The following MXRA5 variants were observed in gnomAD, a reference collection of about 807,000 sequenced individuals.
MXRA5 encodes the protein matrix-remodeling-associated protein 5.
In MXRA5, 41 loss-of-function variants were observed where a neutral mutation model predicts 112.5. That is an observed-to-expected ratio of 0.36 (90% CI 0.28 to 0.47). MXRA5 has a LOEUF of 0.47. Ranked by LOEUF, MXRA5 falls within the 20% of genes least tolerant of loss-of-function variation. The pLI, the probability that MXRA5 is intolerant of heterozygous loss-of-function variation, is 0.99. For missense variants in MXRA5, 2,150 were observed against 2,251.0 expected, an observed-to-expected ratio of 0.96 and a Z score of 0.91; for synonymous variants, 862 against 900.8, an observed-to-expected ratio of 0.96 and a Z score of 0.77.
In MXRA5 at chrX:3,309,669, C is replaced by T. The variant is rs1408472701; in HGVS notation, c.*47G>A. 5 of 1,120,066 alleles carry T rather than the reference C, an allele frequency of 4.5e-6. No individual in the cohort carries two copies. The highest frequency in any genetic ancestry group is 6.0e-6 in the Non-Finnish European group (5 of 828,668). 92.3% of individuals were successfully genotyped at this position (1,120,066 alleles called of 1,213,427 possible). On this transcript the variant is annotated 3_prime_UTR_variant, in exon 7 of 7. Coordinates refer to ENST00000217939, the MANE Select transcript of MXRA5 (RefSeq NM_015419.4). ...TCCCCAACCTGGCTTCCCTTACAAA[C>T]CCCGCTTTGTTGTCAGTTCCTAAGC...
chrX:3,318,062 A>G, intron 5 of MXRA5, 59 bp from the exon 6 acceptor site: 1 of 960,074 alleles, frequency 1.0e-6, no homozygotes, highest in Non-Finnish European at 1.4e-6. Flanking sequence ...ATAATGCTCA[A>G]ACGAGCAGTA....
chrX:3,333,334 TAAGA>T (rs1336460371), intron 2 of MXRA5, among the ~76,000 whole-genome samples: 1 of 39,403 alleles, frequency 2.5e-5, no homozygotes, highest in African/African-American at 9.1e-5. Flanking sequence ...AAAAAAAAAG[TAAGA>T]AAGAAAGAAA....
chrX:3,335,449 G>A (rs1397706731), intron 2 of MXRA5, among the ~76,000 whole-genome samples: 3 of 112,323 alleles, frequency 2.7e-5, no homozygotes, highest in East Asian at 5.6e-4. Flanking sequence ...TGCCCGCCTC[G>A]GCCTCCCAAA....
At position 3,343,703 on chromosome X, in the gene MXRA5, C is replaced by T. The variant is rs756807415; in HGVS notation, c.131G>A (p.Arg44Gln). 2 of 1,211,729 alleles carry T rather than the reference C, an allele frequency of 1.7e-6. No homozygotes were observed. The highest frequency in any genetic ancestry group is 2.2e-6 in the Non-Finnish European group (2 of 895,461). The change falls in exon 2 of 7, where the codon CGA (arginine) becomes CAA (glutamine). Residue 44 changes from arginine to glutamine, a missense_variant. Arg to Gln is a conservative substitution (Grantham distance 43, BLOSUM62 1). Transcript: ENST00000217939. ...GCCAGCGGGCACGGAAGCCAGGGAT[C>T]GGAACGTGCAGTGGACCTCGCTGGG... ...YVPSEVHCTF[R>Q]SLASVPAGIA...
chrX:3,310,762 G>A lies in MXRA5; in HGVS notation c.7441C>T (p.Pro2481Ser). The change falls in exon 7 of 7, where the codon CCC becomes TCC. Residue 2481 changes from proline (P) to serine (S), a missense_variant. Pro to Ser is a moderately conservative substitution (Grantham distance 74). Coordinates refer to ENST00000217939, the MANE Select transcript of MXRA5 (RefSeq NM_015419.4). The stretch of plus-strand genomic sequence containing the variant: ...GGAGCTGGCAGAACCACACCCTCGG[G>A]AAAAGCCCATAACACCCTCGGGGTG... ...IPTPRVLWAF[P>S]EGVVLPAPYY... is the part of the protein sequence containing the mutation. 1 of 1,205,310 alleles carries A rather than the reference G, an allele frequency of 8.3e-7. No homozygotes were observed. The highest frequency in any genetic ancestry group is 1.1e-6 in the Non-Finnish European group (1 of 892,617).
chrX:3,341,380 AT>A (rs1821397168), intron 2 of MXRA5, among the ~76,000 whole-genome samples: 1 of 28,668 alleles, frequency 3.5e-5, no homozygotes, highest in Non-Finnish European at 4.9e-5. Context: ...ATATATTATT[AT>A]TATATATAAT....
At chrX:3,318,991 T>G (rs1331329104) in intron 5 of MXRA5, among the ~76,000 whole-genome samples, 1 of 111,605 alleles carries the variant, frequency 9.0e-6, no homozygotes, top group African/African-American at 3.3e-5. Context: ...CTCACTTATA[T>G]GTGCAGCGTA....
intron 2 of MXRA5, among the ~76,000 whole-genome samples, chrX:3,341,791 AGGTGCTG>A (rs1921993006): frequency 1.0e-5 from 1 of 100,227 alleles, no homozygotes; most frequent in Non-Finnish European, 2.0e-5. Flanking sequence ...GGACCTGCCA[AGGTGCTG>A]GGTTTGAGAG....
In MXRA5 at chrX:3,320,793, C is replaced by G. The variant is rs1357011138; in HGVS notation, c.4892G>C (p.Arg1631Thr). 1 of 1,210,422 alleles carries G rather than the reference C, an allele frequency of 8.3e-7. No homozygotes were observed. Among genetic ancestry groups the G allele is most frequent in the Non-Finnish European group, 1.1e-6 (1 of 895,407 alleles). The part of the protein sequence containing the change: ...LPEMSTQSAS[R>T]YFVTSQSPRH... ...AGGTGACTGGGAAGTTACAAAGTATCTGGAAGCGCTTTGTGTGGACATTTC... is the reference window on the plus strand; with the variant it reads ...AGGTGACTGGGAAGTTACAAAGTATGTGGAAGCGCTTTGTGTGGACATTTC... Residue 1631 changes from arginine to threonine, a missense_variant, in exon 5 of 7, where the codon AGA (arginine) becomes ACA (threonine). By Grantham distance (71) the Arg-to-Thr change is moderately conservative (BLOSUM62 -1). Transcript: ENST00000217939.
In MXRA5 at chrX:3,317,690, G is replaced by T; in HGVS notation, c.5991C>A (p.Pro1997=). 1 of 1,201,777 alleles carries T rather than the reference G, an allele frequency of 8.3e-7. No individual in the cohort carries two copies. Among genetic ancestry groups the T allele is most frequent in the Non-Finnish European group, 1.1e-6 (1 of 889,261 alleles). ...CGTGCAGGGTGATGCGGCCCTCCAC[G>T]GGGGACACAGTTTGCCACACCCTCC... ...PDRRVWQTVS[P]VEGRITLHEN... is the part of the protein sequence containing the mutation. The change falls in exon 6 of 7, where the codon CCC becomes CCA. Residue 1997 remains proline, a synonymous_variant. Transcript: ENST00000217939.
Position 3,323,399 on chromosome X carries a change from G to C in MXRA5, c.2286C>G (p.Arg762=). ...KEPETNVAEG[R]RVFESRRRIN... ...TCCTTCGTCTAGATTCAAACACTCT[G>C]CGACCTTCTGCAACATTGGTCTCTG... The change falls in exon 5 of 7, where the codon CGC becomes CGG. Residue 762 remains arginine, a synonymous_variant. Transcript: ENST00000217939. The C allele has an allele frequency of 8.3e-7, 1 of 1,211,755 alleles. No individual in the cohort carries two copies. Among genetic ancestry groups the C allele is most frequent in the African/African-American group, 1.7e-5 (1 of 57,777 alleles).
At chrX:3,319,428 C>T (rs945779617) in intron 5 of MXRA5, among the ~76,000 whole-genome samples, 1 of 112,556 alleles carries the variant, frequency 8.9e-6, no homozygotes, top group Non-Finnish European at 1.9e-5. Context: ...GACACAGCCT[C>T]TCCCTTATTT....
chrX:3,336,631 A>C (rs997472424), intron 2 of MXRA5, among the ~76,000 whole-genome samples: 14 of 112,026 alleles, frequency 1.2e-4, no homozygotes, highest in African/African-American at 3.9e-4. Flanking sequence ...TGATGGATAC[A>C]CAATAGTTTG....
chrX:3,331,649 G>T (rs1368869956), intron 2 of MXRA5, among the ~76,000 whole-genome samples: 1 of 112,193 alleles, frequency 8.9e-6, no homozygotes, highest in East Asian at 2.8e-4. Flanking sequence ...AAAGTTACTC[G>T]TAGACATGCT....
chrX:3,339,562 G>A (rs113105196), intron 2 of MXRA5, among the ~76,000 whole-genome samples: 4,833 of 111,178 alleles, frequency 0.043, 108 homozygotes, highest in Non-Finnish European at 0.068. Context: ...CACCGTGCCC[G>A]GACCCCCCTG....
At position 3,311,561 on chromosome X, in the gene MXRA5, T is replaced by C. The variant is rs1308831936; in HGVS notation, c.6642A>G (p.Lys2214=). Reference sequence around the variant, plus strand: ...CTACGCACAGGTAATCTCCGGCATCTTTGTCCGTCACTGATTTCACCACCA... The same window carrying C: ...CTACGCACAGGTAATCTCCGGCATCCTTGTCCGTCACTGATTTCACCACCA... ...GTLVVKSVTD[K]DAGDYLCVAR... Residue 2214 remains lysine (K), a synonymous_variant, in exon 7 of 7, where the codon AAA becomes AAG. Coordinates refer to ENST00000217939, the MANE Select transcript of MXRA5 (RefSeq NM_015419.4). 2 of 1,210,347 alleles carry C rather than the reference T, an allele frequency of 1.7e-6. No individual in the cohort carries two copies. Among genetic ancestry groups the C allele is most frequent in the Admixed American group, 4.4e-5 (2 of 45,874 alleles).
intron 2 of MXRA5, among the ~76,000 whole-genome samples, chrX:3,331,812 A>T (rs1191781768): frequency 8.9e-6 from 1 of 112,238 alleles, no homozygotes; most frequent in Non-Finnish European, 1.9e-5. Context: ...TGGTAATAGC[A>T]TACAACAATG....
intron 6 of MXRA5, among the ~76,000 whole-genome samples, chrX:3,315,367 A>AAATAGGTAGAAGGATG (rs1921074325): frequency 2.6e-5 from 1 of 39,146 alleles, no homozygotes; most frequent in Admixed American, 2.6e-4. Context: ...ATAGATAGAT[A>AAATAGGTAGAAGGATG]GATAGAATAG....
rs766069237 is a variant in MXRA5, at chrX:3,317,353, G to T, written c.6328C>A (p.Arg2110Ser). ...FVFPNGTLYI[R>S]NLAPKDSGRY... ...CCGCTGTCCTTGGGCGCGAGGTTGCGGATGTAGAGCGTCCCGTTGGGGAAA... is the reference window on the plus strand; with the variant it reads ...CCGCTGTCCTTGGGCGCGAGGTTGCTGATGTAGAGCGTCCCGTTGGGGAAA... Residue 2110 changes from arginine to serine, a missense_variant, in exon 6 of 7, where the codon CGC becomes AGC. Physicochemically the swap from Arg to Ser is moderately radical, Grantham distance 110. Transcript: ENST00000217939. 14 of 1,208,715 alleles carry T rather than the reference G, an allele frequency of 1.2e-5. No individual in the cohort carries two copies. The highest frequency in any genetic ancestry group is 1.6e-5 in the Non-Finnish European group (14 of 894,386).
Sources: gnomAD v4.1 joint callset for allele counts (sites outside exome capture counted in the v4.1 genomes callset) on GRCh38, gnomAD v4.1.1 for gene constraint, MANE v1.5 for transcripts, NCBI Gene and HGNC (gene_info 2026-07-23, HGNC 2026-07-21) for gene names.